CTNND2: variants seen among roughly 807,000 people sequenced by gnomAD.
CTNND2 encodes the protein catenin delta-2.
CTNND2 carries 22 observed loss-of-function variants against 144.4 expected under a neutral mutation model. That is an observed-to-expected ratio of 0.15 (90% CI 0.11 to 0.22). The LOEUF (loss-of-function observed/expected upper bound fraction) is 0.22, where lower values mean the gene tolerates loss of function less well. CTNND2 is among the 10% of genes least tolerant of loss of function. The pLI, the probability that CTNND2 is intolerant of heterozygous loss-of-function variation, is 1.00. For missense variants in CTNND2, 1,353 were observed against 1,618.8 expected (o/e 0.84, Z 2.82); for synonymous variants, 751 against 695.6 (o/e 1.08, Z -1.25).
intron 9 of CTNND2, among the ~76,000 whole-genome samples, chr5:11,328,159 T>C (rs1030187285): frequency 2.0e-5 from 3 of 152,230 alleles, no homozygotes; most frequent in African/African-American, 7.2e-5. Flanking sequence ...ATGACTTATA[T>C]GGAAAACTAG....
intron 2 of CTNND2, among the ~76,000 whole-genome samples, chr5:11,592,831 T>C (rs1367490344): frequency 6.7e-6 from 1 of 149,630 alleles, no homozygotes; most frequent in Non-Finnish European, 1.5e-5. Flanking sequence ...AGAGAATAAA[T>C]CTGGAAGACA....
At chr5:11,578,551 C>G (rs1466963410) in intron 2 of CTNND2, among the ~76,000 whole-genome samples, 2 of 152,074 alleles carry the variant, frequency 1.3e-5, no homozygotes, top group African/African-American at 2.4e-5. Context: ...GTACCAGCTT[C>G]TTGGGAGGCT....
At chr5:11,653,735 GT>G (rs1360792953) in intron 2 of CTNND2, among the ~76,000 whole-genome samples, 5 of 149,852 alleles carry the variant, frequency 3.3e-5, no homozygotes, top group Admixed American at 6.6e-5. Context: ...AAACTTTTTA[GT>G]TTGATGTAGG....
chr5:11,162,582 T>C (rs1327718357), intron 11 of CTNND2, among the ~76,000 whole-genome samples: 1 of 152,146 alleles, frequency 6.6e-6, no homozygotes, highest in Non-Finnish European at 1.5e-5. Context: ...TCTCAATTTA[T>C]AACTGCAATG....
intron 2 of CTNND2, among the ~76,000 whole-genome samples, chr5:11,639,954 C>T (rs994811302): frequency 6.6e-6 from 1 of 152,110 alleles, no homozygotes; most frequent in Non-Finnish European, 1.5e-5. Flanking sequence ...CAAGAGAAAA[C>T]CTTTCTCAAG....
chr5:11,098,743 A>T lies in CTNND2; in HGVS notation c.2469T>A (p.Asp823Glu). ...CACAGTCTGGAAGAGGTCCTACTCC[A>T]TCCCACTGGCGGAAGAAAAACAAGA... Reference protein sequence around the residue: ...KKKKKSQDQWDGVGPLPDCAE... With the variant: ...KKKKKSQDQWEGVGPLPDCAE... The change falls in exon 15 of 22, where the codon GAT (aspartate) becomes GAA (glutamate). Residue 823 changes from aspartate to glutamate, a missense_variant. This residue lies in a region of CTNND2 where 459 missense variants were observed against 674.3 expected (regional missense o/e 0.68). Transcript: ENST00000304623. 3 of 1,611,226 alleles carry T rather than the reference A, an allele frequency of 1.9e-6. No homozygotes were observed. Among genetic ancestry groups the T allele is most frequent in the Admixed American group, 3.4e-5 (2 of 59,246 alleles).
At chr5:11,721,420 G>T (rs1395233240) in intron 2 of CTNND2, among the ~76,000 whole-genome samples, 2 of 152,014 alleles carry the variant, frequency 1.3e-5, no homozygotes, top group Non-Finnish European at 2.9e-5. Flanking sequence ...GTAAGACTTA[G>T]AAGTAGAGAA....
intron 16 of CTNND2, among the ~76,000 whole-genome samples, chr5:11,077,215 T>C (rs1337313419): frequency 6.6e-6 from 1 of 152,208 alleles, no homozygotes; most frequent in Non-Finnish European, 1.5e-5. Flanking sequence ...AAGAGAACTC[T>C]CTGCTCTTAA....
chr5:11,341,292 A>G (rs1488854554), intron 9 of CTNND2, among the ~76,000 whole-genome samples: 2 of 152,238 alleles, frequency 1.3e-5, no homozygotes, highest in Non-Finnish European at 2.9e-5. Flanking sequence ...TTTCTGTATC[A>G]ATATAAACTA....
At chr5:11,091,903 T>TA (rs1448252180) in intron 15 of CTNND2, among the ~76,000 whole-genome samples, 1 of 152,240 alleles carries the variant, frequency 6.6e-6, no homozygotes, top group Non-Finnish European at 1.5e-5. Flanking sequence ...GTTGAATATT[T>TA]AAGGGGAGTC....
At chr5:11,019,067 G>A (rs1470698296) in intron 17 of CTNND2, among the ~76,000 whole-genome samples, 1 of 152,188 alleles carries the variant, frequency 6.6e-6, no homozygotes. Flanking sequence ...AAAGTTTAAA[G>A]CTAGCAGAAG....
chr5:11,873,191 C>G (rs541124465), intron 1 of CTNND2, among the ~76,000 whole-genome samples: 8 of 152,118 alleles, frequency 5.3e-5, no homozygotes, highest in African/African-American at 1.9e-4. Flanking sequence ...GTCCAAAACC[C>G]GTATATAGTA....
intron 1 of CTNND2, among the ~76,000 whole-genome samples, chr5:11,811,878 T>C (rs1792353636): frequency 6.6e-6 from 1 of 152,236 alleles, no homozygotes. Flanking sequence ...TGGCATCACA[T>C]GGCATCCAGA....
rs531466098 is a variant in CTNND2 at position 11,727,750 on chromosome 5, A to G, written c.174+4386T>C. Among the ~76,000 whole-genome samples, 95 of 152,232 alleles carry G rather than the reference A, an allele frequency of 6.2e-4. 1 individual carries two copies. The highest frequency in any genetic ancestry group is 3.4e-3 in the Middle Eastern group (1 of 294). ...TGTTATAACTTCTGCTTTTTCTTGG[A>G]TGATAATTTTGTCATTAATTTCATA... is the stretch of plus-strand genomic sequence containing the variant. On this transcript the variant is annotated intron_variant, in intron 2 of 21. Transcript: ENST00000304623.
At chr5:11,507,660 T>C (rs905547215) in intron 3 of CTNND2, among the ~76,000 whole-genome samples, 17 of 152,176 alleles carry the variant, frequency 1.1e-4, no homozygotes, top group African/African-American at 4.1e-4. Context: ...CTGGTCTTTA[T>C]AACACTCAGC....
rs531614788 is a variant in CTNND2, at chr5:11,877,005, T to A, written c.37+26812A>T. ...AAGCTTTTCTTCTTGTTCCTGCCCA[T>A]GCTTCTTATGTCTATTCTTATTTTA... On this transcript the variant is annotated intron_variant, in intron 1 of 21. Transcript: ENST00000304623. Among the ~76,000 whole-genome samples, 512 of 152,264 alleles carry A rather than the reference T, an allele frequency of 3.4e-3. 2 individuals carry two copies. The highest frequency in any genetic ancestry group is 0.012 in the African/African-American group (492 of 41,572).
At chr5:11,547,036 A>C (rs1775298167) in intron 3 of CTNND2, among the ~76,000 whole-genome samples, 1 of 152,120 alleles carries the variant, frequency 6.6e-6, no homozygotes, top group Admixed American at 6.6e-5. Context: ...TCGGAGGCCG[A>C]AGTGGGTGGA....
intron 9 of CTNND2, among the ~76,000 whole-genome samples, chr5:11,255,813 C>T (rs1015946583): frequency 1.3e-5 from 2 of 152,192 alleles, no homozygotes; most frequent in Non-Finnish European, 2.9e-5. Context: ...ATTGCTGGAG[C>T]CATGGCCCAG....
At chr5:11,013,252 T>A (rs1741274454) in intron 18 of CTNND2, among the ~76,000 whole-genome samples, 1 of 152,218 alleles carries the variant, frequency 6.6e-6, no homozygotes, top group Non-Finnish European at 1.5e-5. Flanking sequence ...CCACTCTCCA[T>A]CAAACTTAAG....
Sources: gnomAD v4.1 joint callset for allele counts (sites outside exome capture counted in the v4.1 genomes callset) on GRCh38, gnomAD v4.1.1 for gene constraint, gnomAD v4.1.1 regional missense constraint, MANE v1.5 for transcripts, NCBI Gene and HGNC (gene_info 2026-07-23, HGNC 2026-07-21) for gene names.